The following VAV1 variants were observed in gnomAD, a reference collection of about 807,000 sequenced individuals.
VAV1 encodes the protein vav guanine nucleotide exchange factor 1, also known as proto-oncogene vav.
A neutral mutation model predicts 128.1 loss-of-function variants in VAV1; 33 were observed. The observed-to-expected ratio is 0.26, with a 90% CI of 0.20 to 0.34. The LOEUF (loss-of-function observed/expected upper bound fraction) is 0.34. Ranked by LOEUF, VAV1 falls within the 10% of genes least tolerant of loss-of-function variation. The probability of loss-of-function intolerance (pLI) is 1.00; values close to 1 mark genes in which losing one functional copy is unlikely to be tolerated. For missense variants in VAV1, 715 were observed against 1,093.7 expected (o/e 0.65, Z 4.88); for synonymous variants, 394 against 409.8 (o/e 0.96, Z 0.47).
At chr19:6,825,647 C>T (rs1231659195) in intron 8 of VAV1, among the ~76,000 whole-genome samples, 2 of 152,186 alleles carry the variant, frequency 1.3e-5, no homozygotes, top group Non-Finnish European at 2.9e-5. Context: ...CAGGAATGTG[C>T]CTCCTAGGCT....
intron 19 of VAV1, among the ~76,000 whole-genome samples, chr19:6,834,647 TATA>T (rs1410211723): frequency 7.5e-5 from 11 of 146,464 alleles, no homozygotes; most frequent in East Asian, 1.9e-4. Context: ...AATAATATAT[TATA>T]ATAATATATA....
intron 26 of VAV1, 88 bp downstream of exon 26, chr19:6,854,186 G>A: frequency 6.6e-7 from 1 of 1,520,616 alleles, no homozygotes; most frequent in Non-Finnish European, 8.9e-7. Flanking sequence ...GAGAAGGTGA[G>A]GTGCGGCTCC....
chr19:6,790,167 G>C (rs1286781200), intron 1 of VAV1, among the ~76,000 whole-genome samples: 1 of 149,802 alleles, frequency 6.7e-6, no homozygotes, highest in East Asian at 1.9e-4. Flanking sequence ...GAGAGAGTGA[G>C]ACTCTGTCTC....
At chr19:6,849,136 G>C (rs1184766726) in intron 23 of VAV1, among the ~76,000 whole-genome samples, 1 of 151,456 alleles carries the variant, frequency 6.6e-6, no homozygotes, top group Non-Finnish European at 1.5e-5. Context: ...ACATGTGCAG[G>C]TTTGTTACAA....
rs908664750 is a variant in VAV1, at chr19:6,833,084, G to A, written c.1509-100G>A. On this transcript the variant is annotated intron_variant, in intron 15 of 26. Coordinates refer to ENST00000602142, the MANE Select transcript of VAV1 (RefSeq NM_005428.4). Reference sequence around the variant, plus strand: ...AGCCAATCAATGAATGAGTGGACACGCAAAACGTGGTCTGTTCATACCATG... The same window carrying A: ...AGCCAATCAATGAATGAGTGGACACACAAAACGTGGTCTGTTCATACCATG... 78 of 1,037,872 alleles carry A rather than the reference G, an allele frequency of 7.5e-5. No homozygotes were observed. In the South Asian group the frequency reaches 1.1e-3, roughly 14 times the overall value. The allele number at this position is 1,037,872 out of a possible 1,614,324, so 64.3% of individuals were successfully genotyped here. A position where few individuals can be genotyped will look rare whatever the true frequency, so the allele number is the denominator to read the frequency against.
chr19:6,785,164 TTCTC>T (rs145477808), intron 1 of VAV1, among the ~76,000 whole-genome samples: 6 of 151,854 alleles, frequency 4.0e-5, no homozygotes, highest in Non-Finnish European at 8.8e-5. Flanking sequence ...AGGTTTCTCT[TTCTC>T]TCTCTCTCTG....
At chr19:6,774,620 A>C (rs1483064534) in intron 1 of VAV1, among the ~76,000 whole-genome samples, 1 of 148,522 alleles carries the variant, frequency 6.7e-6, no homozygotes, top group Non-Finnish European at 1.5e-5. Context: ...TTTTTAGTAG[A>C]GACAGGGTTT....
chr19:6,778,886 T>A (rs1970700591), intron 1 of VAV1, among the ~76,000 whole-genome samples: 1 of 151,702 alleles, frequency 6.6e-6, no homozygotes, highest in South Asian at 2.1e-4. Context: ...TTTTTTTTTT[T>A]TTTCTTAAGA....
intron 21 of VAV1, among the ~76,000 whole-genome samples, chr19:6,838,532 T>C (rs552207618): frequency 6.6e-5 from 10 of 152,256 alleles, no homozygotes; most frequent in Admixed American, 1.3e-4. Flanking sequence ...CTATCATCTA[T>C]CTATTCACCG....
At chr19:6,824,759 T>C (rs747416717) in intron 6 of VAV1, among the ~76,000 whole-genome samples, 3 of 152,158 alleles carry the variant, frequency 2.0e-5, no homozygotes, top group Non-Finnish European at 4.4e-5. Context: ...CTTGAACTCC[T>C]GACCTCGTGA....
chr19:6,824,336 C>G (rs187579669), intron 6 of VAV1, among the ~76,000 whole-genome samples: 2 of 152,126 alleles, frequency 1.3e-5, no homozygotes, highest in Non-Finnish European at 2.9e-5. Context: ...ATGGCAACCA[C>G]GAGCTTACTC....
intron 1 of VAV1, among the ~76,000 whole-genome samples, chr19:6,801,013 G>A (rs901018210): frequency 2.6e-5 from 4 of 152,062 alleles, no homozygotes; most frequent in Non-Finnish European, 5.9e-5. Context: ...ATTTAACCAG[G>A]TCCCATAGCT....
chr19:6,806,107 G>T (rs1174080020), intron 1 of VAV1, among the ~76,000 whole-genome samples: 1 of 152,006 alleles, frequency 6.6e-6, no homozygotes, highest in Non-Finnish European at 1.5e-5. Context: ...TTTTTTTTGA[G>T]ATGGAGTCTC....
At chr19:6,793,060 C>T (rs1046503110) in intron 1 of VAV1, among the ~76,000 whole-genome samples, 1 of 151,990 alleles carries the variant, frequency 6.6e-6, no homozygotes, top group African/African-American at 2.4e-5. Flanking sequence ...TATGGCCGGG[C>T]GCGGTGGCTC....
chr19:6,797,321 T>A (rs1189792925), intron 1 of VAV1, among the ~76,000 whole-genome samples: 1 of 151,412 alleles, frequency 6.6e-6, no homozygotes, highest in East Asian at 1.9e-4. Flanking sequence ...GCTTGGAGCC[T>A]TTTTACCCCC....
chr19:6,804,301 T>A (rs926841650), intron 1 of VAV1, among the ~76,000 whole-genome samples: 1 of 151,634 alleles, frequency 6.6e-6, no homozygotes, highest in African/African-American at 2.4e-5. Context: ...AGTGGTAGGG[T>A]AGACGAAAAC....
chr19:6,785,661 C>CTTTT (rs754577854), intron 1 of VAV1, among the ~76,000 whole-genome samples: 6 of 128,506 alleles, frequency 4.7e-5, no homozygotes, highest in Admixed American at 1.6e-4. Flanking sequence ...TTCTTTCTTT[C>CTTTT]TTTTTTTTTT....
intron 22 of VAV1, 33 bp from the exon 23 acceptor site, chr19:6,847,965 C>A (rs376501253): frequency 6.9e-7 from 1 of 1,451,318 alleles, no homozygotes. Flanking sequence ...GCACGGGGAC[C>A]GTGCCACCTC....
intron 19 of VAV1, chr19:6,835,672 G>C (rs929620402): frequency 2.6e-5 from 4 of 152,158 alleles, no homozygotes; most frequent in Non-Finnish European, 5.9e-5. Flanking sequence ...CTGACGTAAT[G>C]ACGGTGAGAT....
Sources: gnomAD v4.1 joint callset for allele counts (sites outside exome capture counted in the v4.1 genomes callset) on GRCh38, gnomAD v4.1.1 for gene constraint, MANE v1.5 for transcripts, NCBI Gene and HGNC (gene_info 2026-07-23, HGNC 2026-07-21) for gene names.